Variants in DSG4 observed in about 807,000 individuals in gnomAD.
DSG4 encodes desmoglein 4.
A neutral mutation model predicts 93.1 loss-of-function variants in DSG4; 87 were observed. The observed-to-expected ratio is 0.93, with a 90% confidence interval of 0.79 to 1.12. The LOEUF (loss-of-function observed/expected upper bound fraction) is 1.12, where lower values mean the gene tolerates loss of function less well. Among genes scored for constraint, DSG4 ranks in the 50% most tolerant of loss-of-function variants. The pLI, the probability that DSG4 is intolerant of heterozygous loss-of-function variation, is 0.00. For synonymous variants in DSG4, 432 were observed against 452.9 expected (o/e 0.95, Z 0.59); for missense variants, 1,373 against 1,285.7 (o/e 1.07, Z -1.04).
chr18:31,409,536 G>T lies in DSG4; in HGVS notation c.2018G>T (p.Gly673Val). ...LGTRFAPVPE[G>V]GEGVMQSWRI... ...ACAAGATTTGCTCCTGTGCCTGAGG[G>T]CGGAGAAGGAGTGATGCAGTCTTGG... is the stretch of plus-strand genomic sequence containing the variant. Residue 673 changes from glycine (G) to valine (V), a missense_variant, in exon 13 of 16, where the codon GGC becomes GTC. By Grantham distance (109) the Gly-to-Val change is moderately radical (BLOSUM62 -3). Coordinates refer to ENST00000308128, the MANE Select transcript of DSG4 (RefSeq NM_177986.5). 1 of 1,614,184 alleles carries T rather than the reference G, an allele frequency of 6.2e-7. No homozygotes were observed.
At chr18:31,404,399 C>A (rs781134340) in intron 11 of DSG4, among the ~76,000 whole-genome samples, 1 of 152,104 alleles carries the variant, frequency 6.6e-6, no homozygotes, top group Non-Finnish European at 1.5e-5. Flanking sequence ...TTTTATCTAC[C>A]TTGCGTTCTT....
chr18:31,392,442 C>A (rs1451550186), intron 8 of DSG4, 102 bp downstream of exon 8: 2 of 1,269,644 alleles, frequency 1.6e-6, no homozygotes, highest in East Asian at 2.5e-5. Flanking sequence ...AAAAGTACTT[C>A]ATAACTTTGA....
Position 31,400,877 on chromosome 18 carries a change from A to G in DSG4, c.1278-4A>G. ...TGATAACGAACTTTTTTATTTAAAAACAGATATATCATAGGGCATGATGCA... is the reference window on the plus strand; with the variant it reads ...TGATAACGAACTTTTTTATTTAAAAGCAGATATATCATAGGGCATGATGCA... On this transcript the variant is annotated splice_region_variant and splice_polypyrimidine_tract_variant and intron_variant, in intron 9 of 15. Coordinates refer to ENST00000308128, the MANE Select transcript of DSG4 (RefSeq NM_177986.5). 1.2e-6 allele frequency: 2 copies of G among 1,611,604 alleles called. No homozygotes were observed. The highest frequency in any genetic ancestry group is 2.2e-5 in the East Asian group (1 of 44,708).
rs753177258 is a variant in DSG4, at chr18:31,403,599, G to T, written c.1601G>T (p.Gly534Val). The change falls in exon 11 of 16, where the codon GGA becomes GTA. Residue 534 changes from glycine to valine, a missense_variant. Coordinates refer to ENST00000308128, the MANE Select transcript of DSG4 (RefSeq NM_177986.5). ...FTFCVVDEPP[G>V]IADMWDVRST... is the part of the protein sequence containing the mutation. ...TTCTGTGTTGTTGATGAGCCACCAG[G>T]AATAGCTGACATGTGGGATGTCAGA... is the stretch of plus-strand genomic sequence containing the variant. 2.5e-6 allele frequency: 4 copies of T among 1,613,974 alleles called. No individual in the cohort carries two copies. In the Admixed American group the frequency reaches 6.7e-5, roughly 27 times the overall value.
In DSG4 at chr18:31,397,488, C is replaced by T. The variant is rs112422655; in HGVS notation, c.1006-1784C>T. Among the ~76,000 whole-genome samples the T allele has an allele frequency of 7.2e-5, 11 of 152,144 alleles. 1 individual carries two copies. The highest frequency in any genetic ancestry group is 2.7e-4 in the African/African-American group (11 of 41,496). ...AATCCTGACTAAAGGGCCCCACTTG[C>T]GAAGAATGAGTAAACAATTTTATGC... On this transcript the variant is annotated intron_variant, in intron 8 of 15. Coordinates refer to ENST00000308128, the MANE Select transcript of DSG4 (RefSeq NM_177986.5).
intron 2 of DSG4, among the ~76,000 whole-genome samples, chr18:31,385,806 G>T (rs1412484196): frequency 6.6e-6 from 1 of 152,102 alleles, no homozygotes; most frequent in Non-Finnish European, 1.5e-5. Context: ...TGTAATATAT[G>T]CTTCATTCAG....
At position 31,413,579 on chromosome 18, in the gene DSG4, A is replaced by T. The variant is rs1287095795; in HGVS notation, c.3107A>T (p.His1036Leu). Residue 1036 changes from histidine (H) to leucine (L), a missense_variant, in exon 16 of 16, where the codon CAT becomes CTT. Transcript: ENST00000308128. ...RHRVTRYSNIHYTQQ is the reference protein window; with the variant it reads ...RHRVTRYSNILYTQQ ...AGAGTAACACGATACAGTAACATAC[A>T]TTACACCCAACAGTAAGTGCTTTAT... 6.2e-7 allele frequency: 1 copy of T among 1,613,784 alleles called. No homozygotes were observed. Among genetic ancestry groups the T allele is most frequent in the Non-Finnish European group, 8.5e-7 (1 of 1,179,996 alleles).
rs901160093 is a variant in DSG4 at position 31,399,344 on chromosome 18, T to A, written c.1078T>A (p.Ser360Thr). Residue 360 changes from serine to threonine, a missense_variant, in exon 9 of 16, where the codon TCC (serine) becomes ACC (threonine). By Grantham distance (58) the Ser-to-Thr change is moderately conservative (BLOSUM62 1). Coordinates refer to ENST00000308128, the MANE Select transcript of DSG4 (RefSeq NM_177986.5). ...TAAAAACCAAGCTGATTTTCACTAC[T>A]CCGTTGCTTCTCAATTCCAAATGCA... ...GVKNQADFHY[S>T]VASQFQMHPT... 2 of 1,614,100 alleles carry A rather than the reference T, an allele frequency of 1.2e-6. No individual in the cohort carries two copies. Among genetic ancestry groups the A allele is most frequent in the Non-Finnish European group, 1.7e-6 (2 of 1,179,958 alleles).
rs143793580 is a variant in DSG4, at chr18:31,414,598, C to G, written c.*1003C>G. On this transcript the variant is annotated 3_prime_UTR_variant, in exon 16 of 16. Coordinates refer to ENST00000308128, the MANE Select transcript of DSG4 (RefSeq NM_177986.5). ...CATGGTTTCTGCCTTCATAGAGCTT[C>G]TATTCATTTCTAGACTTAAAATAAA... The G allele has an allele frequency of 1.3e-5, 2 of 152,290 alleles. No homozygotes were observed. The highest frequency in any genetic ancestry group is 3.9e-4 in the East Asian group (2 of 5,186). The allele number at this position is 152,290 out of a possible 1,614,324, so 9.4% of individuals were successfully genotyped here.
At chr18:31,388,583 T>C in intron 4 of DSG4, 61 bp downstream of exon 4, 2 of 1,594,830 alleles carry the variant, frequency 1.3e-6, no homozygotes, top group Non-Finnish European at 1.7e-6. Context: ...TTTCAAAAAA[T>C]ATTATCTTAA....
rs555813091 is a variant in DSG4, at chr18:31,377,434, A to G, written c.48+475A>G. On this transcript the variant is annotated intron_variant, in intron 1 of 15. Transcript: ENST00000308128. ...TGAAATTACATTGCAACTAATGATG[A>G]CATACTAAAGTCATGAGAACTTTTT... 2.8e-4 allele frequency among the ~76,000 whole-genome samples: 42 copies of G among 152,318 alleles called. No individual in the cohort carries two copies. The South Asian group carries it at 8.5e-3, about 31-fold the overall frequency.
At chr18:31,412,709 C>G (rs1038645401) in intron 15 of DSG4, 119 bp from the exon 16 acceptor site, 3 of 1,023,476 alleles carry the variant, frequency 2.9e-6, no homozygotes, top group African/African-American at 1.6e-5. Context: ...GTGATTGATA[C>G]CATTATTCAG....
chr18:31,394,522 A>C (rs1332525418), intron 8 of DSG4, among the ~76,000 whole-genome samples: 2 of 152,200 alleles, frequency 1.3e-5, no homozygotes, highest in African/African-American at 4.8e-5. Flanking sequence ...GGTTGCAGTG[A>C]GCTGAGATTG....
At position 31,411,264 on chromosome 18, in the gene DSG4, CGGTGGA is replaced by C; in HGVS notation, c.2172_2177del (p.Val725_Glu726del). 2 of 1,613,612 alleles carry C rather than the reference CGGTGGA, an allele frequency of 1.2e-6. No homozygotes were observed. Among genetic ancestry groups the C allele is most frequent in the Admixed American group, 3.3e-5 (2 of 59,980 alleles). ...ACCAACACCTATGCAGCCGGGGGCA[CGGTGGA>C]AGGAGGTGTATCGGGAGTGGAGCTC... On this transcript the variant is annotated inframe_deletion, in exon 15 of 16. Coordinates refer to ENST00000308128, the MANE Select transcript of DSG4 (RefSeq NM_177986.5).
At chr18:31,410,945 T>C (rs2072480711) in intron 14 of DSG4, among the ~76,000 whole-genome samples, 1 of 152,208 alleles carries the variant, frequency 6.6e-6, no homozygotes. Context: ...GGGCGCCTGC[T>C]TGTAGTTCTC....
intron 1 of DSG4, 57 bp downstream of exon 1, chr18:31,377,016 C>A: frequency 6.4e-7 from 1 of 1,571,530 alleles, no homozygotes; most frequent in South Asian, 1.1e-5. Flanking sequence ...TTGTCTCTGT[C>A]AACTGTCGGG....
chr18:31,392,695 A>C (rs1334325317), intron 8 of DSG4, among the ~76,000 whole-genome samples: 1 of 152,216 alleles, frequency 6.6e-6, no homozygotes, highest in African/African-American at 2.4e-5. Flanking sequence ...TGGAATATGA[A>C]ATAATGAAAG....
intron 8 of DSG4, 99 bp downstream of exon 8, chr18:31,392,439 C>CT (rs1468024806): frequency 9.3e-6 from 12 of 1,290,522 alleles, no homozygotes; most frequent in Non-Finnish European, 1.3e-5. Context: ...AAAAAAAGTA[C>CT]TTCATAACTT....
intron 3 of DSG4, among the ~76,000 whole-genome samples, chr18:31,387,459 A>G (rs1292532028): frequency 6.6e-6 from 1 of 152,172 alleles, no homozygotes; most frequent in Non-Finnish European, 1.5e-5. Context: ...GGTGTTACAG[A>G]TACAACCTCA....
Sources: gnomAD v4.1 joint callset for allele counts (sites outside exome capture counted in the v4.1 genomes callset) on GRCh38, gnomAD v4.1.1 for gene constraint, MANE v1.5 for transcripts, NCBI Gene and HGNC (gene_info 2026-07-23, HGNC 2026-07-21) for gene names.